Variants in UGT1A5 observed in about 807,000 individuals in gnomAD.
UGT1A5 encodes the protein UDP-glucuronosyltransferase 1A5.
In UGT1A5, 29 loss-of-function variants were observed where a neutral mutation model predicts 40.3. The ratio of observed to expected loss-of-function variants is 0.72; its 90% CI spans 0.54 to 0.98. The LOEUF is 0.98. UGT1A5 is among the 50% of genes least tolerant of loss of function. UGT1A5 has a pLI of 0.00. For synonymous variants in UGT1A5, 257 were observed against 262.5 expected, an observed-to-expected ratio of 0.98 and a Z score of 0.20; for missense variants, 678 against 677.9, an observed-to-expected ratio of 1.00 and a Z score of 0.00.
intron 1 of UGT1A5, chr2:233,754,687 C>T: frequency 2.1e-6 from 1 of 485,706 alleles, no homozygotes; most frequent in South Asian, 1.5e-5. Context: ...TCAACTATTT[C>T]AGTGGAAGTC....
rs1354115874 is a variant in UGT1A5 at position 233,743,513 on chromosome 2, T to A, written c.868-23521T>A. 4 of 1,367,280 alleles carry A rather than the reference T, an allele frequency of 2.9e-6. No homozygotes were observed. In the South Asian group the frequency reaches 3.4e-5, roughly 12 times the overall value. The allele number at this position is 1,367,280 out of a possible 1,614,324, so 84.7% of individuals were successfully genotyped here. ...GCAGAGAAAAGGGGTGCAGACGCTC[T>A]GCTTCTGCTTCCCCAGCAGTTCCTC... On this transcript the variant is annotated intron_variant, in intron 1 of 4. Transcript: ENST00000373414.
At chr2:233,733,439 G>A (rs1332999216) in intron 1 of UGT1A5, among the ~76,000 whole-genome samples, 1 of 152,168 alleles carries the variant, frequency 6.6e-6, no homozygotes, top group East Asian at 1.9e-4. Context: ...GATATTGGCT[G>A]CGGGTTTGTC....
At chr2:233,742,666 A>G (rs1212391572) in intron 1 of UGT1A5, 1 of 152,150 alleles carries the variant, frequency 6.6e-6, no homozygotes, top group African/African-American at 2.4e-5. Context: ...TGTAACCCCA[A>G]GGTTTGTCCT....
At chr2:233,719,447 A>G (rs2076767544) in intron 1 of UGT1A5, 2 of 1,613,934 alleles carry the variant, frequency 1.2e-6, no homozygotes, top group South Asian at 1.1e-5. Context: ...CATTCCTGCA[A>G]AGGGTCAAGA....
rs567983047 is a variant in UGT1A5, at chr2:233,769,352, G to A, written c.1307+913G>A. On this transcript the variant is annotated intron_variant, in intron 4 of 4. Transcript: ENST00000373414. This position sits in a 1 kb window ranked among gnomAD's most constrained non-coding sequence, Gnocchi z 4.4. The stretch of plus-strand genomic sequence containing the variant: ...GCTTATTAGAACCTTATGGGAAGAA[G>A]TGGTGGCCAGTGGTAGATTTCATCC... 6.6e-6 allele frequency among the ~76,000 whole-genome samples: 1 copy of A among 152,372 alleles called. No homozygotes were observed. Among genetic ancestry groups the A allele is most frequent in the East Asian group, 1.9e-4 (1 of 5,194 alleles).
chr2:233,729,623 C>G (rs142986334), intron 1 of UGT1A5: 41 of 1,613,794 alleles, frequency 2.5e-5, no homozygotes, highest in Admixed American at 2.3e-4. Flanking sequence ...AAGTACCTGT[C>G]GATTCCTACT....
chr2:233,750,062 A>G (rs140494674), intron 1 of UGT1A5, among the ~76,000 whole-genome samples: 5,134 of 151,936 alleles, frequency 0.034, 160 homozygotes, highest in African/African-American at 0.052. Flanking sequence ...TGACTTTGGA[A>G]CTGGGTAACA....
intron 1 of UGT1A5, chr2:233,750,587 G>A (rs1381403597): frequency 6.6e-6 from 1 of 151,948 alleles, no homozygotes; most frequent in East Asian, 1.9e-4. Flanking sequence ...AGGCCTGGAG[G>A]CCTAGGAAGG....
intron 1 of UGT1A5, among the ~76,000 whole-genome samples, chr2:233,716,209 T>C (rs1427806327): frequency 6.6e-6 from 1 of 152,234 alleles, no homozygotes; most frequent in Non-Finnish European, 1.5e-5. Flanking sequence ...TCTCTTTCAC[T>C]TGCAAGAGCC....
At chr2:233,729,344 A>G in intron 1 of UGT1A5, 1 of 1,614,144 alleles carries the variant, frequency 6.2e-7, no homozygotes, top group Non-Finnish European at 8.5e-7. Flanking sequence ...AAAGAAGAGA[A>G]CTTTTTCACC....
chr2:233,720,402 G>T (rs569897948), intron 1 of UGT1A5, among the ~76,000 whole-genome samples: 13 of 152,218 alleles, frequency 8.5e-5, no homozygotes, highest in African/African-American at 3.1e-4. Context: ...TCAAGAGTGG[G>T]TGGAAGGGAC....
intron 1 of UGT1A5, chr2:233,741,960 TTG>T: frequency 6.6e-6 from 1 of 151,970 alleles, no homozygotes; most frequent in East Asian, 1.9e-4. Context: ...TACTTTCTTG[TTG>T]TGTTTATGGT....
At chr2:233,722,318 G>A (rs1376337551) in intron 1 of UGT1A5, among the ~76,000 whole-genome samples, 1 of 152,064 alleles carries the variant, frequency 6.6e-6, no homozygotes, top group Non-Finnish European at 1.5e-5. Context: ...TACTTGGTTT[G>A]GTTGACCCTT....
intron 1 of UGT1A5, among the ~76,000 whole-genome samples, chr2:233,761,384 C>T (rs564518186): frequency 1.3e-5 from 2 of 152,326 alleles, no homozygotes; most frequent in South Asian, 4.1e-4. Flanking sequence ...ACTCTGTGTG[C>T]TCCAGTGGAT....
intron 1 of UGT1A5, among the ~76,000 whole-genome samples, chr2:233,757,479 A>C (rs1206962025): frequency 6.8e-6 from 1 of 148,148 alleles, no homozygotes; most frequent in Non-Finnish European, 1.5e-5. Flanking sequence ...CTCCAAAACC[A>C]TGGACTGGCA....
chr2:233,762,151 A>G (rs1420565083), intron 1 of UGT1A5, among the ~76,000 whole-genome samples: 1 of 152,124 alleles, frequency 6.6e-6, no homozygotes, highest in Non-Finnish European at 1.5e-5. Context: ...CTTTGCATTA[A>G]TCACATCCAC....
At chr2:233,746,830 T>C (rs2125880707) in intron 1 of UGT1A5, among the ~76,000 whole-genome samples, 1 of 151,918 alleles carries the variant, frequency 6.6e-6, no homozygotes, top group South Asian at 2.1e-4. Context: ...TGCCTACCAC[T>C]GTTGGGGACC....
chr2:233,762,117 T>C (rs1697974110), intron 1 of UGT1A5, among the ~76,000 whole-genome samples: 1 of 152,230 alleles, frequency 6.6e-6, no homozygotes, highest in Non-Finnish European at 1.5e-5. Context: ...CTTCACATCA[T>C]GAGCCATGTG....
rs879204025 is a variant in UGT1A5, at chr2:233,769,857, CAAA to C, written c.1307+1433_1307+1435del. The C allele has an allele frequency of 9.2e-3, 2,056 of 222,634 alleles. No homozygotes were observed. Among genetic ancestry groups the C allele is most frequent in the South Asian group, 0.014 (129 of 9,020 alleles). The allele number at this position is 222,634 out of a possible 1,614,324, so 13.8% of individuals were successfully genotyped here. On this transcript the variant is annotated intron_variant, in intron 4 of 4. Transcript: ENST00000373414. The surrounding 1 kb of genome is among the most constrained non-coding windows in gnomAD (Gnocchi z 4.4). ...TGGGCAACAGAGTGAGACCCTGTCT[CAAA>C]AAAAAAAAAAAAAATGAAAAGTCCA...
Sources: allele counts gnomAD v4.1 joint callset (sites outside exome capture counted in the v4.1 genomes callset), GRCh38; gene constraint gnomAD v4.1.1; non-coding constraint Gnocchi (gnomAD v3.1); transcripts MANE v1.5; gene names NCBI Gene and HGNC (gene_info 2026-07-23, HGNC 2026-07-21).